The following AOPEP variants were observed in gnomAD, a reference collection of about 807,000 sequenced individuals.
The protein encoded by AOPEP is aminopeptidase O (putative), also known as aminopeptidase O.
A neutral mutation model predicts 98.1 loss-of-function variants in AOPEP; 77 were observed. The observed-to-expected ratio is 0.78, with a 90% confidence interval of 0.65 to 0.95. The LOEUF is 0.95. AOPEP is among the 40% of genes least tolerant of loss of function. The pLI, the probability that AOPEP is intolerant of heterozygous loss-of-function variation, is 0.00. For synonymous variants in AOPEP, 346 were observed against 365.3 expected (o/e 0.95, Z 0.60); for missense variants, 1,024 against 1,024.7 (o/e 1.00, Z 0.01).
rs565096761 is a variant in AOPEP at position 95,029,927 on chromosome 9, TTGTTGAAATC to T, written c.2115+24314_2115+24323del. ...GGGAGTCCAGTTCATGTTGCTCAAG[TTGTTGAAATC>T]TGGATTTGAGTGCTGAGTTGACCAT... is the stretch of plus-strand genomic sequence containing the variant. On this transcript the variant is annotated intron_variant, in intron 13 of 16. Coordinates refer to ENST00000375315, the MANE Select transcript of AOPEP (RefSeq NM_001193329.3). Among the ~76,000 whole-genome samples the T allele has an allele frequency of 5.6e-4, 86 of 152,294 alleles. 2 individuals carry two copies. The South Asian group carries it at 0.017, about 30-fold the overall frequency.
At chr9:95,024,108 T>C (rs949156673) in intron 13 of AOPEP, among the ~76,000 whole-genome samples, 1 of 152,174 alleles carries the variant, frequency 6.6e-6, no homozygotes, top group Admixed American at 6.5e-5. Context: ...AAAGAAATTA[T>C]GGTTTTATGT....
chr9:95,001,493 A>G (rs753603048), intron 11 of AOPEP, among the ~76,000 whole-genome samples: 5 of 152,210 alleles, frequency 3.3e-5, no homozygotes, highest in Non-Finnish European at 5.9e-5. Flanking sequence ...CCCCCACTAT[A>G]GAATTCCAGT....
chr9:94,755,966 A>G (rs960574973), intron 1 of AOPEP, among the ~76,000 whole-genome samples: 13 of 152,190 alleles, frequency 8.5e-5, no homozygotes, highest in Non-Finnish European at 1.0e-4. Flanking sequence ...GTTTTTAAAG[A>G]TGGCAACCCT....
chr9:94,955,170 GT>G lies in AOPEP; in HGVS notation c.1662-3del. ...TACTTAAATAAATTGTTACTAAATC[GT>G]TTTAGACCCAGTAAAGACAAAACTG... On this transcript the variant is annotated splice_region_variant and splice_polypyrimidine_tract_variant and intron_variant, in intron 7 of 16. Transcript: ENST00000375315. The G allele has an allele frequency of 6.4e-7, 1 of 1,568,310 alleles. No homozygotes were observed. Among genetic ancestry groups the G allele is most frequent in the Non-Finnish European group, 8.8e-7 (1 of 1,141,526 alleles).
intron 5 of AOPEP, among the ~76,000 whole-genome samples, chr9:94,901,298 C>T (rs1166544505): frequency 6.6e-6 from 1 of 152,120 alleles, no homozygotes; most frequent in African/African-American, 2.4e-5. Context: ...TTGCTTCTTC[C>T]TCTGAGCCCC....
At chr9:94,857,147 A>G (rs2044320850) in intron 5 of AOPEP, among the ~76,000 whole-genome samples, 1 of 152,214 alleles carries the variant, frequency 6.6e-6, no homozygotes, top group Non-Finnish European at 1.5e-5. Flanking sequence ...ATTTTCTTAC[A>G]TGGAAATATC....
chr9:95,122,465 G>T, the AOPEP span, among the ~76,000 whole-genome samples: 3 of 152,152 alleles, frequency 2.0e-5, no homozygotes, highest in African/African-American at 7.2e-5. Context: ...ACCTATGCAG[G>T]CATTGGCAAA....
intron 5 of AOPEP, among the ~76,000 whole-genome samples, chr9:94,857,630 T>G (rs944095821): frequency 2.0e-5 from 3 of 152,172 alleles, no homozygotes; most frequent in Non-Finnish European, 2.9e-5. Context: ...TCTTATAAAA[T>G]TACAGATTGT....
At chr9:94,918,691 C>T (rs566024310) in intron 5 of AOPEP, among the ~76,000 whole-genome samples, 6 of 152,194 alleles carry the variant, frequency 3.9e-5, no homozygotes, top group African/African-American at 1.4e-4. Flanking sequence ...ATAGTAACAT[C>T]CTGAGGTTGT....
At chr9:94,949,380 G>A (rs755554338) in intron 7 of AOPEP, among the ~76,000 whole-genome samples, 8 of 152,104 alleles carry the variant, frequency 5.3e-5, no homozygotes, top group Non-Finnish European at 1.2e-4. Flanking sequence ...TTTAGCAGCC[G>A]ACCCGGGACG....
chr9:95,083,241 C>T (rs2070055715), intron 16 of AOPEP, among the ~76,000 whole-genome samples: 1 of 152,116 alleles, frequency 6.6e-6, no homozygotes, highest in African/African-American at 2.4e-5. Context: ...GGAGGCTCTC[C>T]AGGCACACGC....
intron 14 of AOPEP, among the ~76,000 whole-genome samples, chr9:95,072,613 A>T (rs552546803): frequency 6.6e-6 from 1 of 152,182 alleles, no homozygotes; most frequent in Non-Finnish European, 1.5e-5. Context: ...AGACTGAGCG[A>T]CAGAGTGAGA....
the AOPEP span, among the ~76,000 whole-genome samples, chr9:95,136,488 C>A: frequency 1.3e-5 from 2 of 150,840 alleles, no homozygotes; most frequent in Non-Finnish European, 3.0e-5. Context: ...TCAAAGATTC[C>A]TTTAAAAAAA....
chr9:95,147,721 G>A, the AOPEP span, among the ~76,000 whole-genome samples: 1 of 152,054 alleles, frequency 6.6e-6, no homozygotes, highest in Non-Finnish European at 1.5e-5. Context: ...TACTGTTATG[G>A]TGCAAGTTAA....
In AOPEP at chr9:94,773,137, A is replaced by G. The variant is rs746868894; in HGVS notation, c.933A>G (p.Glu311=). 3 of 1,614,070 alleles carry G rather than the reference A, an allele frequency of 1.9e-6. No homozygotes were observed. In the South Asian group the frequency reaches 3.3e-5, roughly 18 times the overall value. ...AASFVVLMSG[E]NSAKPTQLWE... ...CTTTTGTTGTTTTAATGAGTGGGGAAAATTCTGCCAAACCAACGCAGCTTT... is the reference window on the plus strand; with the variant it reads ...CTTTTGTTGTTTTAATGAGTGGGGAGAATTCTGCCAAACCAACGCAGCTTT... Residue 311 remains glutamate, a synonymous_variant, in exon 3 of 17, where the codon GAA becomes GAG. Transcript: ENST00000375315.
At chr9:94,798,585 C>T (rs1847544638) in intron 4 of AOPEP, among the ~76,000 whole-genome samples, 1 of 152,080 alleles carries the variant, frequency 6.6e-6, no homozygotes, top group African/African-American at 2.4e-5. Context: ...TTAGAATGAC[C>T]TTTTTGCAAA....
At chr9:95,099,863 CAGG>C in the AOPEP span, 1 of 233,476 alleles carries the variant, frequency 4.3e-6, no homozygotes, top group Non-Finnish European at 8.5e-6. Context: ...TCACCAGTCC[CAGG>C]AGAAGGAAGG....
At chr9:95,104,347 G>A in the AOPEP span, among the ~76,000 whole-genome samples, 4 of 152,240 alleles carry the variant, frequency 2.6e-5, no homozygotes, top group African/African-American at 9.6e-5. Flanking sequence ...GTCAGTGCAT[G>A]AGCGCCACAC....
rs533921278 is a variant in AOPEP, at chr9:94,811,313, A to G, written c.1364+10311A>G. Among the ~76,000 whole-genome samples, 172 of 152,248 alleles carry G rather than the reference A, an allele frequency of 1.1e-3. 1 individual carries two copies. Among genetic ancestry groups the G allele is most frequent in the African/African-American group, 3.8e-3 (158 of 41,542 alleles). On this transcript the variant is annotated intron_variant, in intron 5 of 16. Transcript: ENST00000375315. ...GAAGATATTATGTCCCCTAGGCTTTATATGCCCCAGCAGGCAGGCATGAGG... is the reference window on the plus strand; with the variant it reads ...GAAGATATTATGTCCCCTAGGCTTTGTATGCCCCAGCAGGCAGGCATGAGG...
Sources: gnomAD v4.1 joint callset for allele counts (sites outside exome capture counted in the v4.1 genomes callset) on GRCh38, gnomAD v4.1.1 for gene constraint, MANE v1.5 for transcripts, NCBI Gene and HGNC (gene_info 2026-07-23, HGNC 2026-07-21) for gene names.